Variants in KLF1 observed in about 807,000 individuals in gnomAD.
KLF1 encodes Krueppel-like factor 1.
In KLF1, 29 loss-of-function variants were observed where a neutral mutation model predicts 28.0. The ratio of observed to expected loss-of-function variants is 1.04; its 90% CI spans 0.77 to 1.41. The LOEUF (loss-of-function observed/expected upper bound fraction) is 1.41, where lower values mean the gene tolerates loss of function less well. Ranked by LOEUF, KLF1 falls within the 40% of genes most tolerant of loss-of-function variation. The pLI is 0.00. For synonymous variants in KLF1, 262 were observed against 242.6 expected (o/e 1.08, Z -0.74); for missense variants, 508 against 515.1 (o/e 0.99, Z 0.13).
chr19:12,886,492 C>T (rs1192904947), intron 1 of KLF1, among the ~76,000 whole-genome samples: 2 of 152,100 alleles, frequency 1.3e-5, no homozygotes, highest in African/African-American at 4.8e-5. Flanking sequence ...CCAGAACATC[C>T]CTCTCCTTCC....
rs541471724 is a variant in KLF1, at chr19:12,886,075, T to G, written c.155A>C (p.His52Pro). The part of the protein sequence containing the change: ...GPPDPTEPPL[H>P]VKSEDQPGEE... ...CCCGGGCTGGTCCTCAGACTTCACGTGGAGGGGCGGCTCCGTGGGGTCAGG... is the reference window on the plus strand; with the variant it reads ...CCCGGGCTGGTCCTCAGACTTCACGGGGAGGGGCGGCTCCGTGGGGTCAGG... The change falls in exon 2 of 3, where the codon CAC becomes CCC. Residue 52 changes from histidine to proline, a missense_variant. His to Pro is a moderately conservative substitution (Grantham distance 77). Coordinates refer to ENST00000264834, the MANE Select transcript of KLF1 (RefSeq NM_006563.5). The G allele has an allele frequency of 6.2e-7, 1 of 1,609,864 alleles. No individual in the cohort carries two copies. Among genetic ancestry groups the G allele is most frequent in the East Asian group, 2.2e-5 (1 of 44,810 alleles).
At position 12,884,969 on chromosome 19, in the gene KLF1, C is replaced by T. The variant is rs761093813; in HGVS notation, c.1005G>A (p.Gly335=). ...ELTRHYRKHT[G]QRPFRCQLCP... ...AGAGCTGGCAGCGGAAGGGGCGCTGCCCCGTGTGTTTCCGGTAGTGGCGGG... is the reference window on the plus strand; with the variant it reads ...AGAGCTGGCAGCGGAAGGGGCGCTGTCCCGTGTGTTTCCGGTAGTGGCGGG... The change falls in exon 3 of 3, where the codon GGG becomes GGA. Residue 335 remains glycine (G), a synonymous_variant. Coordinates refer to ENST00000264834, the MANE Select transcript of KLF1 (RefSeq NM_006563.5). 59 of 1,613,490 alleles carry T rather than the reference C, an allele frequency of 3.7e-5. No homozygotes were observed. Among genetic ancestry groups the T allele is most frequent in the Non-Finnish European group, 4.9e-5 (58 of 1,180,034 alleles).
Position 12,885,708 on chromosome 19 carries a change from G to GCCGGGCC in KLF1, c.515_521dup (p.Gly176ArgfsTer179). On this transcript the variant is annotated frameshift_variant, in exon 2 of 3. Transcript: ENST00000264834. LOFTEE classifies it high-confidence loss of function. This position sits in a 1 kb window ranked among gnomAD's most constrained non-coding sequence, Gnocchi z 5.6. The stretch of plus-strand genomic sequence containing the variant: ...GGAAGTAGCCACCCGAGGAGCCGGC[G>GCCGGGCC]CCGGGCCCCGGGTACACCGGTTGCA... 1 of 1,524,384 alleles carries GCCGGGCC rather than the reference G, an allele frequency of 6.6e-7. No individual in the cohort carries two copies. Among genetic ancestry groups the GCCGGGCC allele is most frequent in the South Asian group, 1.2e-5 (1 of 81,964 alleles). 94.4% of individuals were successfully genotyped at this position (1,524,384 alleles called of 1,614,324 possible).
Position 12,885,640 on chromosome 19 carries a change from T to C in KLF1, c.590A>G (p.Tyr197Cys), listed in dbSNP as rs1438188390. The change falls in exon 2 of 3, where the codon TAC (tyrosine) becomes TGC (cysteine). Residue 197 changes from tyrosine to cysteine, a missense_variant. Tyr to Cys is a radical substitution (Grantham distance 194). Coordinates refer to ENST00000264834, the MANE Select transcript of KLF1 (RefSeq NM_006563.5). The surrounding 1 kb of genome is among the most constrained non-coding windows in gnomAD (Gnocchi z 5.6). Reference protein sequence around the residue: ...LSVPAASGAPYGLLSGYPAMY... With the variant: ...LSVPAASGAPCGLLSGYPAMY... ...CGCGGGGTACCCGGACAGTAGCCCG[T>C]AGGGGGCGCCCGACGCCGCAGGCAC... 2 of 1,544,984 alleles carry C rather than the reference T, an allele frequency of 1.3e-6. No homozygotes were observed. The highest frequency in any genetic ancestry group is 4.9e-5 in the East Asian group (2 of 40,830).
rs1970460668 is a variant in KLF1, at chr19:12,887,188, G to T, written c.-48C>A. On this transcript the variant is annotated 5_prime_UTR_variant, in exon 1 of 3. Transcript: ENST00000264834. This position sits in a 1 kb window ranked among gnomAD's most constrained non-coding sequence, Gnocchi z 4.7. The stretch of plus-strand genomic sequence containing the variant: ...GCCTCAAGCCTCCTCTTCCTCGGCT[G>T]CCTCGTGAACTCTGAGGCTGTGATA... 7 of 1,595,684 alleles carry T rather than the reference G, an allele frequency of 4.4e-6. No individual in the cohort carries two copies. Among genetic ancestry groups the T allele is most frequent in the Non-Finnish European group, 6.0e-6 (7 of 1,164,786 alleles).
chr19:12,886,479 C>A (rs1485954056), intron 1 of KLF1, among the ~76,000 whole-genome samples: 3 of 152,098 alleles, frequency 2.0e-5, no homozygotes, highest in African/African-American at 7.2e-5. Flanking sequence ...ACTTAGTTTT[C>A]CCCCAGAACA....
Position 12,886,058 on chromosome 19 carries a change from G to T in KLF1, c.172C>A (p.Gln58Lys), listed in dbSNP as rs1221651504. The change falls in exon 2 of 3, where the codon CAG becomes AAG. Residue 58 changes from glutamine to lysine, a missense_variant. Transcript: ENST00000264834. ...TCATCGTCCTCTTCCTCCCCGGGCT[G>T]GTCCTCAGACTTCACGTGGAGGGGC... ...EPPLHVKSED[Q>K]PGEEEDDERG... 1.2e-6 allele frequency: 2 copies of T among 1,610,774 alleles called. No homozygotes were observed. Among genetic ancestry groups the T allele is most frequent in the Non-Finnish European group, 1.7e-6 (2 of 1,179,398 alleles).
Position 12,885,590 on chromosome 19 carries a change from C to G in KLF1, c.640G>C (p.Gly214Arg), listed in dbSNP as rs1344960127. ...PAMYPAPQYQ[G>R]HFQLFRGLQG... Reference sequence around the variant, plus strand: ...AGCCCGCGGAAGAGCTGGAAGTGCCCTTGGTACTGAGGCGCCGGGTACATC... The same window carrying G: ...AGCCCGCGGAAGAGCTGGAAGTGCCGTTGGTACTGAGGCGCCGGGTACATC... The change falls in exon 2 of 3, where the codon GGG becomes CGG. Residue 214 changes from glycine to arginine, a missense_variant. Transcript: ENST00000264834. The surrounding 1 kb of genome is among the most constrained non-coding windows in gnomAD (Gnocchi z 5.6). 6.4e-7 allele frequency: 1 copy of G among 1,558,002 alleles called. No individual in the cohort carries two copies. The highest frequency in any genetic ancestry group is 1.4e-5 in the African/African-American group (1 of 73,666).
In KLF1 at chr19:12,885,601, G is replaced by A; in HGVS notation, c.629C>T (p.Pro210Leu). Residue 210 changes from proline to leucine, a missense_variant, in exon 2 of 3, where the codon CCT becomes CTT. Transcript: ENST00000264834. This position sits in a 1 kb window ranked among gnomAD's most constrained non-coding sequence, Gnocchi z 5.6. ...GAGCTGGAAGTGCCCTTGGTACTGAGGCGCCGGGTACATCGCGGGGTACCC... is the reference window on the plus strand; with the variant it reads ...GAGCTGGAAGTGCCCTTGGTACTGAAGCGCCGGGTACATCGCGGGGTACCC... ...LSGYPAMYPA[P>L]QYQGHFQLFR... The A allele has an allele frequency of 6.4e-7, 1 of 1,555,400 alleles. No homozygotes were observed. Among genetic ancestry groups the A allele is most frequent in the East Asian group, 2.4e-5 (1 of 41,478 alleles).
chr19:12,885,447 G>T lies in KLF1; in HGVS notation c.783C>A (p.Thr261=). 1.9e-6 allele frequency: 3 copies of T among 1,604,572 alleles called. No individual in the cohort carries two copies. The highest frequency in any genetic ancestry group is 2.6e-6 in the Non-Finnish European group (3 of 1,176,320). The change falls in exon 2 of 3, where the codon ACC becomes ACA. Residue 261 remains threonine (T), a synonymous_variant. Coordinates refer to ENST00000264834, the MANE Select transcript of KLF1 (RefSeq NM_006563.5). The surrounding 1 kb of genome is among the most constrained non-coding windows in gnomAD (Gnocchi z 5.6). ...TAEDPGVIAE[T]APSKRGRRSW... ...AACGTCGGCCTCGCTTGGATGGCGC[G>T]GTCTCGGCTATCACACCTGGATCCT...
In KLF1 at chr19:12,884,773, T is replaced by C; in HGVS notation, c.*112A>G. 8.3e-7 allele frequency: 1 copy of C among 1,199,674 alleles called. No homozygotes were observed. Among genetic ancestry groups the C allele is most frequent in the South Asian group, 1.2e-5 (1 of 80,546 alleles). 74.3% of individuals were successfully genotyped at this position (1,199,674 alleles called of 1,614,324 possible). A position where few individuals can be genotyped will look rare whatever the true frequency, so the allele number is the denominator to read the frequency against. Reference sequence around the variant, plus strand: ...AACGCGAGTCCAGGAGAGGGTCCATTCGTGGGAAAACCACCCAGCATTGTG... The same window carrying C: ...AACGCGAGTCCAGGAGAGGGTCCATCCGTGGGAAAACCACCCAGCATTGTG... On this transcript the variant is annotated 3_prime_UTR_variant, in exon 3 of 3. Transcript: ENST00000264834.
At chr19:12,886,609 CTTTTT>C (rs969979307) in intron 1 of KLF1, among the ~76,000 whole-genome samples, 1 of 137,834 alleles carries the variant, frequency 7.3e-6, no homozygotes, top group African/African-American at 2.7e-5. Flanking sequence ...GATCTCGTTC[CTTTTT>C]TTTTTTTTTT....
intron 1 of KLF1, 122 bp from the exon 2 acceptor site, chr19:12,886,264 T>C (rs1430869878): frequency 1.0e-5 from 7 of 698,128 alleles, no homozygotes; most frequent in African/African-American, 1.8e-5. Flanking sequence ...CCTGTCTGTC[T>C]GTCCCACTTC....
Position 12,885,696 on chromosome 19 carries a change from C to A in KLF1, c.534G>T (p.Ser178=), listed in dbSNP as rs1433045365. The stretch of plus-strand genomic sequence containing the variant: ...GCCCGGTCCGCGGGAAGTAGCCACC[C>A]GAGGAGCCGGCGCCGGGCCCCGGGT... The part of the protein sequence containing the change: ...PVYPGPGAGS[S]GGYFPRTGLS... The change falls in exon 2 of 3, where the codon TCG becomes TCT. Residue 178 remains serine (S), a synonymous_variant. Coordinates refer to ENST00000264834, the MANE Select transcript of KLF1 (RefSeq NM_006563.5). This position sits in a 1 kb window ranked among gnomAD's most constrained non-coding sequence, Gnocchi z 5.6. 9 of 1,529,452 alleles carry A rather than the reference C, an allele frequency of 5.9e-6. No homozygotes were observed. Among genetic ancestry groups the A allele is most frequent in the African/African-American group, 2.8e-5 (2 of 72,424 alleles). The allele number at this position is 1,529,452 out of a possible 1,614,324, so 94.7% of individuals were successfully genotyped here.
rs750987930 is a variant in KLF1 at position 12,884,971 on chromosome 19, C to T, written c.1003G>A (p.Gly335Arg). The T allele has an allele frequency of 2.5e-6, 4 of 1,613,572 alleles. 1 individual carries two copies. The highest frequency in any genetic ancestry group is 8.5e-7 in the Non-Finnish European group (1 of 1,180,022). Residue 335 changes from glycine to arginine, a missense_variant, in exon 3 of 3, where the codon GGG becomes AGG. Gly to Arg is a moderately radical substitution (Grantham distance 125). Coordinates refer to ENST00000264834, the MANE Select transcript of KLF1 (RefSeq NM_006563.5). ...ELTRHYRKHTGQRPFRCQLCP... is the reference protein window; with the variant it reads ...ELTRHYRKHTRQRPFRCQLCP... ...AGCTGGCAGCGGAAGGGGCGCTGCC[C>T]CGTGTGTTTCCGGTAGTGGCGGGTC...
In KLF1 at chr19:12,887,051, C is replaced by T. The variant is rs1970457088; in HGVS notation, c.87+3G>A. The T allele has an allele frequency of 3.1e-6, 5 of 1,614,114 alleles. No homozygotes were observed. Among genetic ancestry groups the T allele is most frequent in the Non-Finnish European group, 4.2e-6 (5 of 1,179,994 alleles). On this transcript the variant is annotated splice_donor_region_variant and intron_variant, in intron 1 of 2. Transcript: ENST00000264834. This position sits in a 1 kb window ranked among gnomAD's most constrained non-coding sequence, Gnocchi z 4.7. The stretch of plus-strand genomic sequence containing the variant: ...CACCTAGACCCCACCTTCTAGGCCC[C>T]ACCTTGAGGAAGTCATCCTGTGTGT...
At chr19:12,886,499 T>C (rs1970451238) in intron 1 of KLF1, among the ~76,000 whole-genome samples, 1 of 152,126 alleles carries the variant, frequency 6.6e-6, no homozygotes, top group Non-Finnish European at 1.5e-5. Context: ...ATCCCTCTCC[T>C]TCCCTGTCTC....
chr19:12,885,692 C>G lies in KLF1; in HGVS notation c.538G>C (p.Gly180Arg), dbSNP rs796569807. The G allele has an allele frequency of 8.5e-6, 13 of 1,532,252 alleles. No individual in the cohort carries two copies. In the African/African-American group the frequency reaches 1.8e-4, roughly 21 times the overall value. 94.9% of individuals were successfully genotyped at this position (1,532,252 alleles called of 1,614,324 possible). Residue 180 changes from glycine (G) to arginine (R), a missense_variant, in exon 2 of 3, where the codon GGC becomes CGC. Coordinates refer to ENST00000264834, the MANE Select transcript of KLF1 (RefSeq NM_006563.5). This position sits in a 1 kb window ranked among gnomAD's most constrained non-coding sequence, Gnocchi z 5.6. ...GAAAGCCCGGTCCGCGGGAAGTAGCCACCCGAGGAGCCGGCGCCGGGCCCC... is the reference window on the plus strand; with the variant it reads ...GAAAGCCCGGTCCGCGGGAAGTAGCGACCCGAGGAGCCGGCGCCGGGCCCC... ...YPGPGAGSSG[G>R]YFPRTGLSVP...
At position 12,885,263 on chromosome 19, in the gene KLF1, G is replaced by T; in HGVS notation, c.913+54C>A. ...CGCCCTCTGCAACCCTTCTTCCCCTGTAACTACAGCGGGCGCCGCGCCCTT... is the reference window on the plus strand; with the variant it reads ...CGCCCTCTGCAACCCTTCTTCCCCTTTAACTACAGCGGGCGCCGCGCCCTT... On this transcript the variant is annotated intron_variant, in intron 2 of 2. Transcript: ENST00000264834. This position sits in a 1 kb window ranked among gnomAD's most constrained non-coding sequence, Gnocchi z 5.6. 6.7e-7 allele frequency: 1 copy of T among 1,486,362 alleles called. No homozygotes were observed. The allele number at this position is 1,486,362 out of a possible 1,614,324, so 92.1% of individuals were successfully genotyped here.
Sources: gnomAD v4.1 joint callset for allele counts (sites outside exome capture counted in the v4.1 genomes callset) on GRCh38, gnomAD v4.1.1 for gene constraint, Gnocchi (gnomAD v3.1) non-coding constraint, MANE v1.5 for transcripts, NCBI Gene and HGNC (gene_info 2026-07-23, HGNC 2026-07-21) for gene names.